Variants in GALNT18 observed in about 807,000 individuals in gnomAD.
The protein encoded by GALNT18 is polypeptide N-acetylgalactosaminyltransferase 18, also known as GalNAc-transferase 18.
A neutral mutation model predicts 69.5 loss-of-function variants in GALNT18; 44 were observed. The ratio of observed to expected loss-of-function variants is 0.63; its 90% confidence interval spans 0.50 to 0.81. The LOEUF is 0.81. Among genes scored for constraint, GALNT18 ranks in the 40% least tolerant of loss-of-function variants. GALNT18 has a pLI of 0.00. For missense variants in GALNT18, 715 were observed against 810.0 expected, an observed-to-expected ratio of 0.88 and a Z score of 1.42; for synonymous variants, 364 against 318.2, an observed-to-expected ratio of 1.14 and a Z score of -1.53.
At chr11:11,557,844 C>G (rs1858369174) in intron 1 of GALNT18, among the ~76,000 whole-genome samples, 1 of 152,206 alleles carries the variant, frequency 6.6e-6, no homozygotes, top group Non-Finnish European at 1.5e-5. Flanking sequence ...TCCAACATAC[C>G]TGGTGATCAC....
chr11:11,612,114 C>T (rs764064658), intron 1 of GALNT18, among the ~76,000 whole-genome samples: 1 of 152,138 alleles, frequency 6.6e-6, no homozygotes, highest in Non-Finnish European at 1.5e-5. Context: ...GGCTCTACCA[C>T]CCATCAGCCC....
chr11:11,482,816 C>T (rs1856562635), intron 1 of GALNT18, among the ~76,000 whole-genome samples: 1 of 152,144 alleles, frequency 6.6e-6, no homozygotes, highest in East Asian at 1.9e-4. Context: ...ATAAACCCTC[C>T]AAGGTCAGAT....
chr11:11,610,545 T>A (rs747585132), intron 1 of GALNT18, among the ~76,000 whole-genome samples: 4 of 152,194 alleles, frequency 2.6e-5, no homozygotes, highest in East Asian at 1.9e-4. Context: ...CCTCACTGGT[T>A]TTTTTTCCCA....
rs1485561097 is a variant in GALNT18 at position 11,496,494 on chromosome 11, C to T, written c.236-47558G>A. On this transcript the variant is annotated intron_variant, in intron 1 of 10. Coordinates refer to ENST00000227756, the MANE Select transcript of GALNT18 (RefSeq NM_198516.3). This position sits in a 1 kb window ranked among gnomAD's most constrained non-coding sequence, Gnocchi z 4.0. The stretch of plus-strand genomic sequence containing the variant: ...AATGGGGCATGCTGGAAAAATAAAA[C>T]AGAAGATGGTTCTTAGGAAAAGATT... 6.6e-6 allele frequency among the ~76,000 whole-genome samples: 1 copy of T among 152,210 alleles called. No homozygotes were observed. The highest frequency in any genetic ancestry group is 2.4e-5 in the African/African-American group (1 of 41,444).
chr11:11,576,261 A>G (rs1246431195), intron 1 of GALNT18, among the ~76,000 whole-genome samples: 2 of 152,206 alleles, frequency 1.3e-5, no homozygotes, highest in African/African-American at 4.8e-5. Context: ...TCAGACCCTC[A>G]TCGCTGCTCA....
intron 1 of GALNT18, among the ~76,000 whole-genome samples, chr11:11,545,615 C>T (rs922582427): frequency 1.3e-5 from 2 of 152,256 alleles, no homozygotes; most frequent in African/African-American, 4.8e-5. Flanking sequence ...TGGTCTTCCA[C>T]CATCCCAGGC....
chr11:11,610,937 G>A lies in GALNT18; in HGVS notation c.235+10422C>T, dbSNP rs111709679. Among the ~76,000 whole-genome samples the A allele has an allele frequency of 4.0e-3, 608 of 152,250 alleles. 3 individuals are homozygous for A. The highest frequency in any genetic ancestry group is 0.013 in the African/African-American group (546 of 41,540). ...CGCTTGTTGAAATCCTTTGAGGCAT[G>A]AACCATATAAACACAAAGCATTATA... On this transcript the variant is annotated intron_variant, in intron 1 of 10. Transcript: ENST00000227756.
intron 9 of GALNT18, among the ~76,000 whole-genome samples, chr11:11,325,635 T>A (rs1413491028): frequency 2.0e-5 from 3 of 152,246 alleles, no homozygotes; most frequent in Admixed American, 1.3e-4. Flanking sequence ...TTATTTTTGA[T>A]CTGGGTGTAT....
intron 5 of GALNT18, among the ~76,000 whole-genome samples, chr11:11,376,153 C>G (rs377172066): frequency 6.6e-6 from 1 of 152,044 alleles, no homozygotes; most frequent in Admixed American, 6.6e-5. Context: ...GAGGCCGAGG[C>G]GGGTAGATCA....
rs1043200990 is a variant in GALNT18 at position 11,448,656 on chromosome 11, C to A, written c.428+88G>T. 3 of 1,087,908 alleles carry A rather than the reference C, an allele frequency of 2.8e-6. No homozygotes were observed. In the South Asian group the frequency reaches 5.6e-5, roughly 20 times the overall value. The allele number at this position is 1,087,908 out of a possible 1,614,324, so 67.4% of individuals were successfully genotyped here. Reference sequence around the variant, plus strand: ...CAGGAAAGGGACCCAAGAATCCAGGCGCCCAGTCCTGCTCTGTTCCCAGCA... The same window carrying A: ...CAGGAAAGGGACCCAAGAATCCAGGAGCCCAGTCCTGCTCTGTTCCCAGCA... On this transcript the variant is annotated intron_variant, in intron 2 of 10. Coordinates refer to ENST00000227756, the MANE Select transcript of GALNT18 (RefSeq NM_198516.3).
At chr11:11,399,729 T>C (rs939370157) in intron 3 of GALNT18, among the ~76,000 whole-genome samples, 3 of 152,210 alleles carry the variant, frequency 2.0e-5, no homozygotes, top group Admixed American at 2.0e-4. Flanking sequence ...ATTTATGTTA[T>C]AAATTAGGAA....
intron 6 of GALNT18, among the ~76,000 whole-genome samples, chr11:11,365,082 T>C (rs1850732647): frequency 6.6e-6 from 1 of 152,204 alleles, no homozygotes; most frequent in African/African-American, 2.4e-5. Flanking sequence ...GTTTGTTCCA[T>C]AGGTATACAT....
At chr11:11,420,837 A>G (rs979287169) in intron 3 of GALNT18, among the ~76,000 whole-genome samples, 7 of 151,972 alleles carry the variant, frequency 4.6e-5, no homozygotes, top group African/African-American at 1.5e-4. Flanking sequence ...ACCCCTCCTG[A>G]TTTACTCCCA....
chr11:11,335,304 A>G (rs538415497), intron 7 of GALNT18, among the ~76,000 whole-genome samples: 3 of 152,204 alleles, frequency 2.0e-5, no homozygotes, highest in Non-Finnish European at 4.4e-5. Flanking sequence ...ATCTTTCTGA[A>G]TATCAAGTCC....
At chr11:11,273,929 C>G (rs7949054) in intron 10 of GALNT18, among the ~76,000 whole-genome samples, 89,539 of 151,976 alleles carry the variant, frequency 0.59, 27,158 homozygotes, top group Middle Eastern at 0.75. Context: ...GTCTGCAGCT[C>G]TAAGAGAGAT....
At chr11:11,275,133 A>G (rs1303187653) in intron 10 of GALNT18, among the ~76,000 whole-genome samples, 2 of 152,200 alleles carry the variant, frequency 1.3e-5, no homozygotes, top group East Asian at 3.8e-4. Flanking sequence ...GTCTTCCACA[A>G]TGGTTGAACT....
At chr11:11,516,511 G>A (rs1857279925) in intron 1 of GALNT18, among the ~76,000 whole-genome samples, 1 of 152,116 alleles carries the variant, frequency 6.6e-6, no homozygotes, top group African/African-American at 2.4e-5. Flanking sequence ...CATATCTGTA[G>A]TCCCAGCTAC....
Position 11,353,204 on chromosome 11 carries a change from C to A in GALNT18, c.1093-12200G>T, listed in dbSNP as rs1337897662. On this transcript the variant is annotated intron_variant, in intron 6 of 10. Coordinates refer to ENST00000227756, the MANE Select transcript of GALNT18 (RefSeq NM_198516.3). ...TTCAGAAGCAGCTTGGGGGTAAGAC[C>A]TTGTTTCAGACCTGTTTTCTTCACA... 13 of 1,544,646 alleles carry A rather than the reference C, an allele frequency of 8.4e-6. No individual in the cohort carries two copies. The South Asian group carries it at 1.5e-4, about 18-fold the overall frequency.
rs1290931568 is a variant in GALNT18 at position 11,421,179 on chromosome 11, T to A, written c.595+11442A>T. ...AGGAGTGATGAGCTACCCACACCAC[T>A]GCCAGGCTCAGGCAGCTTCAGCGGT... On this transcript the variant is annotated intron_variant, in intron 3 of 10. Transcript: ENST00000227756. This position sits in a 1 kb window ranked among gnomAD's most constrained non-coding sequence, Gnocchi z 5.6. 2.0e-5 allele frequency among the ~76,000 whole-genome samples: 3 copies of A among 151,352 alleles called. No homozygotes were observed. The East Asian group carries it at 5.9e-4, about 30-fold the overall frequency.
Sources: gnomAD v4.1 joint callset for allele counts (sites outside exome capture counted in the v4.1 genomes callset) on GRCh38, gnomAD v4.1.1 for gene constraint, Gnocchi (gnomAD v3.1) non-coding constraint, MANE v1.5 for transcripts, NCBI Gene and HGNC (gene_info 2026-07-23, HGNC 2026-07-21) for gene names.